Variants in UGP2 observed in about 807,000 individuals in gnomAD.
UGP2 encodes the protein UDP-glucose pyrophosphorylase 2.
In UGP2, 40 loss-of-function variants were observed where a neutral mutation model predicts 49.0. That is an observed-to-expected ratio of 0.82 (90% CI 0.63 to 1.06). UGP2 has a LOEUF of 1.06. UGP2 is among the 50% of genes least tolerant of loss of function. UGP2 has a pLI of 0.00. For missense variants in UGP2, 460 were observed against 603.5 expected, an observed-to-expected ratio of 0.76 and a Z score of 2.49; for synonymous variants, 225 against 213.0, an observed-to-expected ratio of 1.06 and a Z score of -0.49.
intron 1 of UGP2, chr2:63,842,747 T>G: frequency 1.5e-6 from 1 of 685,962 alleles, no homozygotes; most frequent in Non-Finnish European, 2.2e-6. Context: ...GAGAAATGAC[T>G]TTGCTGCATT....
chr2:63,877,734 C>T (rs2104339430), intron 3 of UGP2, among the ~76,000 whole-genome samples: 1 of 152,028 alleles, frequency 6.6e-6, no homozygotes, highest in African/African-American at 2.4e-5. Flanking sequence ...TGGCTCACGC[C>T]TGTAATCCCA....
chr2:63,872,893 G>A (rs1029020270), intron 3 of UGP2, among the ~76,000 whole-genome samples: 3 of 151,998 alleles, frequency 2.0e-5, no homozygotes, highest in Non-Finnish European at 4.4e-5. Flanking sequence ...TTGGTGCTCT[G>A]TATGCCAGTA....
chr2:63,855,756 G>C (rs1280664596), intron 1 of UGP2: 2 of 367,554 alleles, frequency 5.4e-6, no homozygotes, highest in Admixed American at 6.2e-5. Flanking sequence ...TGCCCAGCCT[G>C]GTCTCAAACT....
At chr2:63,889,278 G>A (rs1270081460) in intron 8 of UGP2, 1 of 151,972 alleles carries the variant, frequency 6.6e-6, no homozygotes, top group Non-Finnish European at 1.5e-5. Context: ...TAGGTAGAAA[G>A]GAATATAGGA....
chr2:63,877,521 A>C (rs1258749385), intron 3 of UGP2, among the ~76,000 whole-genome samples: 1 of 152,252 alleles, frequency 6.6e-6, no homozygotes, highest in Non-Finnish European at 1.5e-5. Context: ...TTCAGCATGC[A>C]CTTGTTCCTT....
At chr2:63,874,319 T>C (rs190953154) in intron 3 of UGP2, among the ~76,000 whole-genome samples, 1 of 152,232 alleles carries the variant, frequency 6.6e-6, no homozygotes, top group East Asian at 1.9e-4. Flanking sequence ...GAGGGTGGGT[T>C]GGAAAGAGGT....
chr2:63,891,155 A>G lies in UGP2; in HGVS notation c.1455A>G (p.Arg485=). The change falls in exon 10 of 10, where the codon AGA becomes AGG. Residue 485 remains arginine (R), a synonymous_variant. Coordinates refer to ENST00000337130, the MANE Select transcript of UGP2 (RefSeq NM_006759.4). ...TCATCATTGCAAATCATGGTGACAG[A>G]ATTGATATCCCACCTGGAGCAGTAT... The part of the protein sequence containing the change: ...TVIIIANHGD[R]IDIPPGAVLE... 6.2e-7 allele frequency: 1 copy of G among 1,613,804 alleles called. No homozygotes were observed. Among genetic ancestry groups the G allele is most frequent in the South Asian group, 1.1e-5 (1 of 91,024 alleles).
intron 5 of UGP2, among the ~76,000 whole-genome samples, chr2:63,884,813 G>A (rs1671547151): frequency 6.6e-6 from 1 of 152,018 alleles, no homozygotes; most frequent in African/African-American, 2.4e-5. Flanking sequence ...GGAGGCTGAG[G>A]TGGGAGTATC....
At chr2:63,882,234 G>A (rs1055029910) in intron 3 of UGP2, among the ~76,000 whole-genome samples, 1 of 151,954 alleles carries the variant, frequency 6.6e-6, no homozygotes, top group African/African-American at 2.4e-5. Context: ...CCCCCTTCTC[G>A]TACTCCATTG....
In UGP2 at chr2:63,886,526, T is replaced by A. The variant is rs760529709; in HGVS notation, c.1059T>A (p.Ile353=). The A allele has an allele frequency of 3.7e-6, 6 of 1,613,988 alleles. No homozygotes were observed. The African/African-American group carries it at 8.0e-5, about 22-fold the overall frequency. The part of the protein sequence containing the change: ...QEQNAIDMEI[I]VNAKTLDGGL... The stretch of plus-strand genomic sequence containing the variant: ...AAAATGCCATTGACATGGAAATCAT[T>A]GTGAATGCAAAGGTAAGCCAAGGTT... Residue 353 remains isoleucine, a synonymous_variant, in exon 7 of 10, where the codon ATT becomes ATA. Transcript: ENST00000337130.
chr2:63,850,661 C>G (rs1668987531), intron 1 of UGP2, among the ~76,000 whole-genome samples: 1 of 152,184 alleles, frequency 6.6e-6, no homozygotes. Context: ...CTGTGTGAAA[C>G]TTCTTTGACC....
chr2:63,850,088 T>A (rs1417126378), intron 1 of UGP2, among the ~76,000 whole-genome samples: 1 of 152,250 alleles, frequency 6.6e-6, no homozygotes, highest in Non-Finnish European at 1.5e-5. Flanking sequence ...TGTTCTGTTT[T>A]CCATAAGTAG....
At chr2:63,841,114 A>C (rs1271967283), upstream of UGP2, 2 of 152,020 alleles carry the variant, frequency 1.3e-5, no homozygotes, top group Admixed American at 6.6e-5. Context: ...CAAGGTGTGC[A>C]TGTGTGAGGG....
chr2:63,846,718 A>C (rs1671961019), intron 1 of UGP2, among the ~76,000 whole-genome samples: 1 of 152,216 alleles, frequency 6.6e-6, no homozygotes, highest in Admixed American at 6.5e-5. Context: ...AGAGATGAGA[A>C]GCATTCTGGG....
intron 4 of UGP2, among the ~76,000 whole-genome samples, chr2:63,882,946 C>T (rs2104353237): frequency 6.6e-6 from 1 of 152,294 alleles, no homozygotes; most frequent in Admixed American, 6.5e-5. Context: ...CAGCCTTCAT[C>T]AAGGCTGGGA....
At chr2:63,886,812 T>C (rs1671706937) in intron 7 of UGP2, among the ~76,000 whole-genome samples, 1 of 152,194 alleles carries the variant, frequency 6.6e-6, no homozygotes, top group South Asian at 2.1e-4. Context: ...TAGTTGTTGC[T>C]CTGACACTCA....
At chr2:63,864,817 G>C (rs1670072038) in intron 3 of UGP2, among the ~76,000 whole-genome samples, 1 of 152,116 alleles carries the variant, frequency 6.6e-6, no homozygotes, top group South Asian at 2.1e-4. Flanking sequence ...TCTCTTTGAA[G>C]TTCTTCCCAC....
chr2:63,842,489 A>C, intron 1 of UGP2: 1 of 1,537,132 alleles, frequency 6.5e-7, no homozygotes. Flanking sequence ...ATAAAACAGG[A>C]TTTTTGGCTG....
rs773845541 is a variant in UGP2, at chr2:63,856,350, G to T, written c.64G>T (p.Glu22Ter). ...TCAAGATGGTGCTTCTCAGTTCCAA[G>T]AAGTCATTCGGCAAGAGCTAGAATT... The part of the protein sequence containing the change: ...MSQDGASQFQ[E>*]VIRQELELSV... Residue 22 changes from glutamate to a stop codon, truncating the protein, a stop_gained, in exon 2 of 10, where the codon GAA (glutamate) becomes TAA (stop). Transcript: ENST00000337130. LOFTEE classifies it high-confidence loss of function. 1 of 1,613,932 alleles carries T rather than the reference G, an allele frequency of 6.2e-7. No individual in the cohort carries two copies. The highest frequency in any genetic ancestry group is 8.5e-7 in the Non-Finnish European group (1 of 1,180,008).
Sources: allele counts gnomAD v4.1 joint callset (sites outside exome capture counted in the v4.1 genomes callset), GRCh38; gene constraint gnomAD v4.1.1; transcripts MANE v1.5; gene names NCBI Gene and HGNC (gene_info 2026-07-23, HGNC 2026-07-21).